The following SPIDR variants were observed in gnomAD, a reference collection of about 807,000 sequenced individuals.
SPIDR encodes DNA repair-scaffolding protein.
A neutral mutation model predicts 104.6 loss-of-function variants in SPIDR; 93 were observed. The observed-to-expected ratio is 0.89, with a 90% CI of 0.75 to 1.06. The LOEUF is 1.06. Among genes scored for constraint, SPIDR ranks in the 50% least tolerant of loss-of-function variants. The pLI, the probability that SPIDR is intolerant of heterozygous loss-of-function variation, is 0.00. For missense variants in SPIDR, 1,154 were observed against 1,111.2 expected, an observed-to-expected ratio of 1.04 and a Z score of -0.55; for synonymous variants, 431 against 416.9, an observed-to-expected ratio of 1.03 and a Z score of -0.41.
intron 10 of SPIDR, among the ~76,000 whole-genome samples, chr8:47,666,958 A>G (rs188586338): frequency 1.0e-3 from 152 of 152,324 alleles, no homozygotes; most frequent in Admixed American, 2.4e-3. Flanking sequence ...TATTTAGAAT[A>G]AATTTTAGTC....
chr8:47,273,690 C>T (rs2035795605), intron 1 of SPIDR, among the ~76,000 whole-genome samples: 1 of 151,916 alleles, frequency 6.6e-6, no homozygotes, highest in South Asian at 2.1e-4. Context: ...ACCTCCCAGG[C>T]TCAGGTTATC....
At chr8:47,706,798 C>A (rs917547480) in intron 14 of SPIDR, among the ~76,000 whole-genome samples, 1 of 152,176 alleles carries the variant, frequency 6.6e-6, no homozygotes, top group African/African-American at 2.4e-5. Context: ...TGTATTCTCT[C>A]ACACTTCCGG....
At chr8:47,299,997 T>A (rs2041742117) in intron 5 of SPIDR, among the ~76,000 whole-genome samples, 2 of 152,248 alleles carry the variant, frequency 1.3e-5, no homozygotes, top group African/African-American at 4.8e-5. Context: ...CCTCTTTTTC[T>A]ATTCATTGGA....
At chr8:47,328,332 T>A (rs1486106021) in intron 5 of SPIDR, among the ~76,000 whole-genome samples, 1 of 151,750 alleles carries the variant, frequency 6.6e-6, no homozygotes, top group African/African-American at 2.4e-5. Context: ...TATCATAGCT[T>A]ACTGCAGCCT....
intron 10 of SPIDR, among the ~76,000 whole-genome samples, chr8:47,635,978 G>C (rs1391546633): frequency 6.6e-6 from 1 of 152,182 alleles, no homozygotes; most frequent in Non-Finnish European, 1.5e-5. Flanking sequence ...ATGCTATACA[G>C]GCATGGCTCA....
rs114463180 is a variant in SPIDR, at chr8:47,560,917, G to A, written c.1098-34894G>A. Reference sequence around the variant, plus strand: ...GCACAATGAAACTGTTTCATTCTTCGGTGACCCCAGGGCCTCCTTTCTGGG... The same window carrying A: ...GCACAATGAAACTGTTTCATTCTTCAGTGACCCCAGGGCCTCCTTTCTGGG... On this transcript the variant is annotated intron_variant, in intron 8 of 19. Transcript: ENST00000297423. Among the ~76,000 whole-genome samples the A allele has an allele frequency of 2.8e-3, 426 of 152,134 alleles. 3 individuals carry two copies. The highest frequency in any genetic ancestry group is 9.0e-3 in the African/African-American group (372 of 41,510).
In SPIDR at chr8:47,381,410, GCTCTTACCATCCAAC is replaced by G. The variant is rs149806978; in HGVS notation, c.526-14962_526-14948del. 6.6e-3 allele frequency among the ~76,000 whole-genome samples: 999 copies of G among 152,218 alleles called. 7 individuals carry two copies. The highest frequency in any genetic ancestry group is 0.011 in the Non-Finnish European group (755 of 68,010). On this transcript the variant is annotated intron_variant, in intron 5 of 19. Coordinates refer to ENST00000297423, the MANE Select transcript of SPIDR (RefSeq NM_001080394.4). ...TATCTTCTGTAGCATTTTTGTTGTTGCTCTTACCATCCAACCTCCTTAAAACAGTGGTTTGTATGG... is the reference window on the plus strand; with the variant it reads ...TATCTTCTGTAGCATTTTTGTTGTTGCTCCTTAAAACAGTGGTTTGTATGG...
At chr8:47,694,398 C>G (rs1023991357) in intron 11 of SPIDR, among the ~76,000 whole-genome samples, 1 of 151,968 alleles carries the variant, frequency 6.6e-6, no homozygotes, top group African/African-American at 2.4e-5. Context: ...GAAAGGGAGA[C>G]AGACTGAGAG....
At chr8:47,511,342 A>AGC in intron 8 of SPIDR, 1 of 1,140,240 alleles carries the variant, frequency 8.8e-7, no homozygotes, top group South Asian at 1.2e-5. Flanking sequence ...GATGGTACTC[A>AGC]ACACCTAGGG....
chr8:47,368,687 C>G (rs1050644586), intron 5 of SPIDR, among the ~76,000 whole-genome samples: 1 of 152,158 alleles, frequency 6.6e-6, no homozygotes, highest in Admixed American at 6.6e-5. Flanking sequence ...TCAATAGTCT[C>G]CTTGTTAATA....
intron 8 of SPIDR, among the ~76,000 whole-genome samples, chr8:47,455,610 C>T (rs529225377): frequency 2.0e-5 from 3 of 152,056 alleles, no homozygotes; most frequent in African/African-American, 7.2e-5. Context: ...AAGAATCCAC[C>T]TATAAGCCAT....
At chr8:47,698,192 G>A (rs1398809780) in intron 11 of SPIDR, among the ~76,000 whole-genome samples, 1 of 152,078 alleles carries the variant, frequency 6.6e-6, no homozygotes, top group Non-Finnish European at 1.5e-5. Flanking sequence ...TGAAAAGACA[G>A]ACTAATGGTG....
At chr8:47,541,561 A>G (rs773120878) in intron 8 of SPIDR, among the ~76,000 whole-genome samples, 28 of 152,312 alleles carry the variant, frequency 1.8e-4, no homozygotes, top group Middle Eastern at 3.4e-3. Context: ...GCTCAGAAAT[A>G]TAGTAGTTTT....
In SPIDR at chr8:47,279,851, C is replaced by A; in HGVS notation, c.34-11C>A. 6.3e-7 allele frequency: 1 copy of A among 1,581,126 alleles called. No individual in the cohort carries two copies. ...TTGTTTCGATTTTTCTTTTAAAAATCATCTCCACAGAGAAAAAGGAGTTGG... is the reference window on the plus strand; with the variant it reads ...TTGTTTCGATTTTTCTTTTAAAAATAATCTCCACAGAGAAAAAGGAGTTGG... On this transcript the variant is annotated splice_polypyrimidine_tract_variant and intron_variant, in intron 1 of 19. Transcript: ENST00000297423.
chr8:47,322,666 T>A (rs1554597017), intron 5 of SPIDR, among the ~76,000 whole-genome samples: 4 of 152,174 alleles, frequency 2.6e-5, no homozygotes, highest in African/African-American at 9.7e-5. Flanking sequence ...CTATTCACAA[T>A]CGCAGAGACT....
At chr8:47,365,044 T>C (rs1554633506) in intron 5 of SPIDR, among the ~76,000 whole-genome samples, 2 of 152,244 alleles carry the variant, frequency 1.3e-5, no homozygotes, top group Non-Finnish European at 2.9e-5. Context: ...AGTCTGCAAG[T>C]ATTTTGGAGA....
At chr8:47,276,957 T>C (rs1197491907) in intron 1 of SPIDR, 2 of 151,560 alleles carry the variant, frequency 1.3e-5, no homozygotes, top group East Asian at 1.9e-4. Context: ...AGACAGAGTT[T>C]CACTCTTGTT....
chr8:47,319,274 A>G (rs1425044759), intron 5 of SPIDR, among the ~76,000 whole-genome samples: 1 of 152,198 alleles, frequency 6.6e-6, no homozygotes. Flanking sequence ...TGGAAAACAA[A>G]AAAAGGCAGG....
At chr8:47,503,568 G>A (rs896309232) in intron 8 of SPIDR, among the ~76,000 whole-genome samples, 1 of 152,138 alleles carries the variant, frequency 6.6e-6, no homozygotes, top group East Asian at 1.9e-4. Flanking sequence ...ACAGCACACT[G>A]ATGGGTCTCG....
Sources: gnomAD v4.1 joint callset for allele counts (sites outside exome capture counted in the v4.1 genomes callset) on GRCh38, gnomAD v4.1.1 for gene constraint, MANE v1.5 for transcripts, NCBI Gene and HGNC (gene_info 2026-07-23, HGNC 2026-07-21) for gene names.